Variants in CGNL1 observed in about 807,000 individuals in gnomAD.
CGNL1 encodes the protein cingulin-like protein 1.
In CGNL1, 132 loss-of-function variants were observed where a neutral mutation model predicts 141.2. The observed-to-expected ratio is 0.93, with a 90% CI of 0.81 to 1.08. CGNL1 has a LOEUF of 1.08. Among genes scored for constraint, CGNL1 ranks in the 50% least tolerant of loss-of-function variants. CGNL1 has a pLI of 0.00. For synonymous variants in CGNL1, 690 were observed against 622.1 expected (o/e 1.11, Z -1.63); for missense variants, 1,870 against 1,588.6 (o/e 1.18, Z -3.01).
At chr15:57,397,303 C>T (rs16977465) in intron 1 of CGNL1, among the ~76,000 whole-genome samples, 4,313 of 152,176 alleles carry the variant, frequency 0.028, 178 homozygotes, top group Admixed American at 0.1. Context: ...GCAGTCAAAA[C>T]GGTTCTCCTT....
chr15:57,473,774 TC>T (rs1387191351), intron 8 of CGNL1, among the ~76,000 whole-genome samples: 2 of 151,942 alleles, frequency 1.3e-5, no homozygotes, highest in Non-Finnish European at 2.9e-5. Context: ...TGGAAGTAGA[TC>T]CTCTGGCCCC....
At chr15:57,501,163 C>G (rs982126974) in intron 8 of CGNL1, among the ~76,000 whole-genome samples, 4 of 152,176 alleles carry the variant, frequency 2.6e-5, no homozygotes, top group Admixed American at 6.5e-5. Flanking sequence ...GATGGAGGCC[C>G]TGCCCAGAAG....
chr15:57,528,996 C>T (rs779103547), intron 13 of CGNL1, 181 bp downstream of exon 13: 8 of 590,420 alleles, frequency 1.4e-5, no homozygotes, highest in Non-Finnish European at 2.4e-5. Flanking sequence ...TTTATAGACT[C>T]AGGACATCAG....
At chr15:57,399,247 ATTAAC>A (rs1355860476) in intron 1 of CGNL1, among the ~76,000 whole-genome samples, 3 of 152,202 alleles carry the variant, frequency 2.0e-5, no homozygotes, top group South Asian at 2.1e-4. Flanking sequence ...TGTACAATAA[ATTAAC>A]TTATTTCTCC....
intron 7 of CGNL1, among the ~76,000 whole-genome samples, chr15:57,454,069 G>C (rs1297586042): frequency 1.3e-5 from 2 of 152,136 alleles, no homozygotes; most frequent in Admixed American, 1.3e-4. Flanking sequence ...AGATTCACAT[G>C]TATGAAATTA....
At chr15:57,453,548 C>G in intron 6 of CGNL1, 135 bp from the exon 7 acceptor site, 1 of 1,082,422 alleles carries the variant, frequency 9.2e-7, no homozygotes, top group Non-Finnish European at 1.3e-6. Context: ...ATCCCTTGCT[C>G]AGTGCAGAAC....
At chr15:57,388,508 T>G (rs1337919321) in intron 1 of CGNL1, among the ~76,000 whole-genome samples, 4 of 152,336 alleles carry the variant, frequency 2.6e-5, no homozygotes, top group African/African-American at 9.6e-5. Flanking sequence ...TGAATTCTTG[T>G]GTGTCCAGTG....
chr15:57,497,123 C>T (rs1272904445), intron 8 of CGNL1, among the ~76,000 whole-genome samples: 1 of 152,168 alleles, frequency 6.6e-6, no homozygotes, highest in African/African-American at 2.4e-5. Context: ...GACTGATATC[C>T]CAGCTGGTGC....
chr15:57,443,219 T>C (rs1325093874), intron 4 of CGNL1, among the ~76,000 whole-genome samples: 1 of 152,146 alleles, frequency 6.6e-6, no homozygotes, highest in Non-Finnish European at 1.5e-5. Flanking sequence ...TCTGATTGAT[T>C]GTGCTGAATT....
At chr15:57,481,442 T>C (rs1296300299) in intron 8 of CGNL1, among the ~76,000 whole-genome samples, 1 of 152,210 alleles carries the variant, frequency 6.6e-6, no homozygotes, top group African/African-American at 2.4e-5. Flanking sequence ...ATACAGAATG[T>C]AACCTTTTGG....
At chr15:57,458,950 C>A (rs1303240537) in intron 7 of CGNL1, among the ~76,000 whole-genome samples, 1 of 152,190 alleles carries the variant, frequency 6.6e-6, no homozygotes, top group African/African-American at 2.4e-5. Flanking sequence ...TGCAGCCCCA[C>A]CCTGGGATTG....
chr15:57,520,345 C>CA (rs2140119378), intron 10 of CGNL1, among the ~76,000 whole-genome samples: 1 of 152,330 alleles, frequency 6.6e-6, no homozygotes, highest in South Asian at 2.1e-4. Flanking sequence ...TCAAAGGGAC[C>CA]TTAGTCCTTG....
At position 57,467,280 on chromosome 15, in the gene CGNL1, C is replaced by T. The variant is rs370764971; in HGVS notation, c.2403+5388C>T. On this transcript the variant is annotated intron_variant, in intron 8 of 18. Coordinates refer to ENST00000281282, the MANE Select transcript of CGNL1 (RefSeq NM_032866.5). ...ATCATATAGGAATCCCTATAGGAGA[C>T]CCCATGGCTGTGCTTAGGAGGAGGA... Among the ~76,000 whole-genome samples the T allele has an allele frequency of 4.6e-5, 7 of 152,184 alleles. No homozygotes were observed. In the East Asian group the frequency reaches 9.7e-4, roughly 21 times the overall value.
At chr15:57,517,030 C>T in intron 9 of CGNL1, 44 bp downstream of exon 9, 1 of 1,559,724 alleles carries the variant, frequency 6.4e-7, no homozygotes. Context: ...AGCTGCTGCT[C>T]CTTCTTTCCT....
At chr15:57,390,762 T>C (rs2062533878) in intron 1 of CGNL1, among the ~76,000 whole-genome samples, 1 of 152,104 alleles carries the variant, frequency 6.6e-6, no homozygotes, top group South Asian at 2.1e-4. Context: ...TCATATCCTT[T>C]CACTGCGATG....
rs755313226 is a variant in CGNL1 at position 57,438,472 on chromosome 15, A to G, written c.473A>G (p.Glu158Gly). 1 of 1,614,226 alleles carries G rather than the reference A, an allele frequency of 6.2e-7. No individual in the cohort carries two copies. Among genetic ancestry groups the G allele is most frequent in the Non-Finnish European group, 8.5e-7 (1 of 1,180,050 alleles). ...HPELLQPYDP[E>G]KNELNLQNHQ... ...GAGCTTTTGCAACCCTATGACCCTG[A>G]AAAGAATGAGTTGAATTTACAAAAT... is the stretch of plus-strand genomic sequence containing the variant. The change falls in exon 2 of 19, where the codon GAA becomes GGA. Residue 158 changes from glutamate to glycine, a missense_variant. Physicochemically the swap from Glu to Gly is moderately conservative, Grantham distance 98. Transcript: ENST00000281282.
chr15:57,427,510 G>T (rs575804479), intron 1 of CGNL1, among the ~76,000 whole-genome samples: 2 of 152,330 alleles, frequency 1.3e-5, no homozygotes, highest in South Asian at 2.1e-4. Flanking sequence ...TTCCCCAGTG[G>T]CTCTGGATTT....
intron 1 of CGNL1, among the ~76,000 whole-genome samples, chr15:57,413,372 GC>G (rs2152272832): frequency 6.6e-6 from 1 of 151,816 alleles, no homozygotes; most frequent in South Asian, 2.1e-4. Context: ...AACCTCCTGG[GC>G]TCAAGCCATC....
At chr15:57,519,861 C>G (rs1278327203) in intron 10 of CGNL1, among the ~76,000 whole-genome samples, 1 of 152,312 alleles carries the variant, frequency 6.6e-6, no homozygotes, top group South Asian at 2.1e-4. Context: ...ATGGGTCTCT[C>G]AGAACCTTTC....
Sources: gnomAD v4.1 joint callset for allele counts (sites outside exome capture counted in the v4.1 genomes callset) on GRCh38, gnomAD v4.1.1 for gene constraint, MANE v1.5 for transcripts, NCBI Gene and HGNC (gene_info 2026-07-23, HGNC 2026-07-21) for gene names.